THRB: variants seen among roughly 807,000 people sequenced by gnomAD.
The protein encoded by THRB is nuclear receptor subfamily 1 group A member 2.
In THRB, 12 loss-of-function variants were observed where a neutral mutation model predicts 47.8. The observed-to-expected ratio is 0.25, with a 90% CI of 0.16 to 0.41. The LOEUF (loss-of-function observed/expected upper bound fraction) is 0.41. Among genes scored for constraint, THRB ranks in the 10% least tolerant of loss-of-function variants. The pLI, the probability that THRB is intolerant of heterozygous loss-of-function variation, is 1.00. For missense variants in THRB, 348 were observed against 589.2 expected (o/e 0.59, Z 4.24); for synonymous variants, 218 against 212.2 (o/e 1.03, Z -0.24).
rs530662170 is a variant in THRB, at chr3:24,330,727, G to C, written c.-189+6573C>G. ...CATGGGAAGACACCTGGAGTAGCCA[G>C]CAGCCAGTGCCAACCAAACCTGCCC... is the stretch of plus-strand genomic sequence containing the variant. On this transcript the variant is annotated intron_variant, in intron 2 of 10. Coordinates refer to ENST00000646209, the MANE Select transcript of THRB (RefSeq NM_001354712.2). Among the ~76,000 whole-genome samples, 9 of 152,350 alleles carry C rather than the reference G, an allele frequency of 5.9e-5. No individual in the cohort carries two copies. The South Asian group carries it at 1.9e-3, about 32-fold the overall frequency.
chr3:24,135,710 C>T (rs1409440390), intron 8 of THRB, among the ~76,000 whole-genome samples: 2 of 151,734 alleles, frequency 1.3e-5, no homozygotes, highest in Admixed American at 6.6e-5. Context: ...ATAATTTCTT[C>T]TCATTCCTGA....
At chr3:24,190,965 C>T (rs1164635499) in intron 4 of THRB, among the ~76,000 whole-genome samples, 4 of 151,634 alleles carry the variant, frequency 2.6e-5, no homozygotes, top group East Asian at 1.9e-4. Flanking sequence ...CAATAAGAAC[C>T]GATGAAGGAA....
At chr3:24,393,191 C>A (rs2066706933) in intron 1 of THRB, among the ~76,000 whole-genome samples, 2 of 152,092 alleles carry the variant, frequency 1.3e-5, no homozygotes, top group African/African-American at 4.8e-5. Flanking sequence ...TATTTTACAT[C>A]ATAATCTGCA....
intron 1 of THRB, among the ~76,000 whole-genome samples, chr3:24,375,579 C>T (rs2065225764): frequency 6.8e-6 from 1 of 147,948 alleles, no homozygotes. Flanking sequence ...TATTGATATA[C>T]AGAATAAAAG....
intron 2 of THRB, among the ~76,000 whole-genome samples, chr3:24,299,802 T>TTTTTTTGA (rs1363344985): frequency 7.5e-6 from 1 of 132,948 alleles, no homozygotes. Flanking sequence ...TTTTTTTTTT[T>TTTTTTTGA]AGCAAACATA....
intron 6 of THRB, among the ~76,000 whole-genome samples, chr3:24,150,647 T>C (rs943865060): frequency 6.6e-6 from 1 of 152,192 alleles, no homozygotes; most frequent in Admixed American, 6.5e-5. Context: ...AATTCTCTCT[T>C]TGTTTAAGTC....
intron 1 of THRB, among the ~76,000 whole-genome samples, chr3:24,393,009 G>A (rs375698569): frequency 6.6e-6 from 1 of 152,030 alleles, no homozygotes; most frequent in African/African-American, 2.4e-5. Flanking sequence ...TTACTTGTTT[G>A]TAGTTTTCAA....
intron 1 of THRB, chr3:24,494,164 G>T (rs1698644591): frequency 6.6e-6 from 1 of 152,296 alleles, no homozygotes; most frequent in African/African-American, 2.4e-5. Context: ...TCCGGGGCAG[G>T]CGAAAAAGGG....
At chr3:24,246,371 C>T (rs1021913) in intron 3 of THRB, among the ~76,000 whole-genome samples, 91,085 of 152,002 alleles carry the variant, frequency 0.6, 29,379 homozygotes, top group Middle Eastern at 0.75. Flanking sequence ...AGTGCCACTG[C>T]TGCCTACTGA....
intron 1 of THRB, among the ~76,000 whole-genome samples, chr3:24,470,618 T>A (rs62228853): frequency 0.03 from 4,565 of 152,292 alleles, 96 homozygotes; most frequent in South Asian, 0.058. Context: ...CTGGCTCCAA[T>A]GTAGAGACTT....
At chr3:24,461,104 AG>A (rs1331782926) in intron 1 of THRB, among the ~76,000 whole-genome samples, 1 of 152,236 alleles carries the variant, frequency 6.6e-6, no homozygotes, top group Non-Finnish European at 1.5e-5. Context: ...AATCCCTAAA[AG>A]GTCAAGAACC....
intron 3 of THRB, among the ~76,000 whole-genome samples, chr3:24,281,887 A>C (rs534024501): frequency 2.0e-4 from 31 of 151,736 alleles, no homozygotes; most frequent in Middle Eastern, 6.8e-3. Context: ...AGAGCTACCT[A>C]TCCTAAATAT....
At position 24,269,131 on chromosome 3, in the gene THRB, G is replaced by A. The variant is rs556581499; in HGVS notation, c.-43+28095C>T. On this transcript the variant is annotated intron_variant, in intron 3 of 10. Coordinates refer to ENST00000646209, the MANE Select transcript of THRB (RefSeq NM_001354712.2). ...AGTCATTTTCCCACAATTATAAAATGTTGCCTTCTTTCTAAGAAATGTCAA... is the reference window on the plus strand; with the variant it reads ...AGTCATTTTCCCACAATTATAAAATATTGCCTTCTTTCTAAGAAATGTCAA... Among the ~76,000 whole-genome samples the A allele has an allele frequency of 7.2e-5, 11 of 152,264 alleles. No individual in the cohort carries two copies. The South Asian group carries it at 2.3e-3, about 32-fold the overall frequency.
chr3:24,315,674 C>G (rs1329868325), intron 2 of THRB, among the ~76,000 whole-genome samples: 1 of 152,170 alleles, frequency 6.6e-6, no homozygotes, highest in Non-Finnish European at 1.5e-5. Context: ...GCTGCCTGGA[C>G]AGCTAACACC....
At chr3:24,413,411 A>G (rs182531529) in intron 1 of THRB, among the ~76,000 whole-genome samples, 477 of 151,980 alleles carry the variant, frequency 3.1e-3, no homozygotes, top group Non-Finnish European at 3.9e-3. Context: ...TGGGGATTAA[A>G]AAAAGGGAGA....
intron 1 of THRB, among the ~76,000 whole-genome samples, chr3:24,366,654 C>T (rs1318903973): frequency 5.4e-5 from 7 of 129,326 alleles, no homozygotes; most frequent in African/African-American, 8.9e-5. Context: ...AGGAGTCTCT[C>T]TCTGTCACCA....
chr3:24,158,522 G>A (rs924223563), intron 5 of THRB, among the ~76,000 whole-genome samples: 1 of 151,780 alleles, frequency 6.6e-6, no homozygotes, highest in Non-Finnish European at 1.5e-5. Context: ...TCCACCTCCT[G>A]GGTTCAAGTG....
chr3:24,291,924 G>A (rs1003600944), intron 3 of THRB, among the ~76,000 whole-genome samples: 3 of 152,004 alleles, frequency 2.0e-5, no homozygotes, highest in African/African-American at 4.8e-5. Flanking sequence ...ATATATATAT[G>A]TTCATTGTAG....
intron 1 of THRB, among the ~76,000 whole-genome samples, chr3:24,395,069 T>C (rs2066858404): frequency 6.6e-6 from 1 of 152,086 alleles, no homozygotes; most frequent in Non-Finnish European, 1.5e-5. Flanking sequence ...AATATCCACA[T>C]GCAGAAGAAT....
Sources: gnomAD v4.1 joint callset for allele counts (sites outside exome capture counted in the v4.1 genomes callset) on GRCh38, gnomAD v4.1.1 for gene constraint, MANE v1.5 for transcripts, NCBI Gene and HGNC (gene_info 2026-07-23, HGNC 2026-07-21) for gene names.